Variants in OTUD7A observed in about 807,000 individuals in gnomAD.
OTUD7A encodes the protein OTU deubiquitinase 7A.
OTUD7A carries 12 observed loss-of-function variants against 65.7 expected under a neutral mutation model. That is an observed-to-expected ratio of 0.18 (90% confidence interval 0.12 to 0.30). The LOEUF is 0.30. Among genes scored for constraint, OTUD7A ranks in the 10% least tolerant of loss-of-function variants. OTUD7A has a pLI of 1.00. For synonymous variants in OTUD7A, 641 were observed against 586.3 expected (o/e 1.09, Z -1.35); for missense variants, 1,148 against 1,304.8 (o/e 0.88, Z 1.85).
chr15:31,587,193 A>C (rs1295967632), intron 3 of OTUD7A, among the ~76,000 whole-genome samples: 2 of 152,110 alleles, frequency 1.3e-5, no homozygotes, highest in African/African-American at 4.8e-5. Context: ...TTCTTGATCT[A>C]ATCATAATCA....
intron 10 of OTUD7A, among the ~76,000 whole-genome samples, chr15:31,496,612 A>G (rs1267251912): frequency 6.6e-6 from 1 of 152,244 alleles, no homozygotes; most frequent in African/African-American, 2.4e-5. Context: ...TCTATTTAAA[A>G]AGAGATTGGA....
intron 8 of OTUD7A, among the ~76,000 whole-genome samples, chr15:31,515,127 G>A (rs1457486611): frequency 6.6e-6 from 1 of 152,196 alleles, no homozygotes; most frequent in Non-Finnish European, 1.5e-5. Context: ...CATACTTGGA[G>A]AGAGAAATAC....
intron 3 of OTUD7A, among the ~76,000 whole-genome samples, chr15:31,614,285 C>A (rs190479587): frequency 6.7e-6 from 1 of 149,154 alleles, no homozygotes; most frequent in Non-Finnish European, 1.5e-5. Flanking sequence ...ACCTGCACCC[C>A]AATAACCTAT....
intron 8 of OTUD7A, among the ~76,000 whole-genome samples, chr15:31,507,532 GGACCCAAAGA>G (rs750421384): frequency 4.5e-4 from 68 of 152,230 alleles, no homozygotes; most frequent in Non-Finnish European, 7.9e-4. Flanking sequence ...AGTGTGGCAC[GGACCCAAAGA>G]GTGAGCAGCA....
intron 1 of OTUD7A, among the ~76,000 whole-genome samples, chr15:31,710,558 G>C (rs1893416226): frequency 6.6e-6 from 1 of 152,174 alleles, no homozygotes; most frequent in South Asian, 2.1e-4. Flanking sequence ...GGGGGCACCA[G>C]AGGGAGACCT....
At position 31,530,873 on chromosome 15, in the gene OTUD7A, T is replaced by C. The variant is rs2042076715; in HGVS notation, c.551-65A>G. 1.2e-5 allele frequency: 16 copies of C among 1,328,702 alleles called. No homozygotes were observed. In the Admixed American group the frequency reaches 2.9e-4, roughly 24 times the overall value. 82.3% of individuals were successfully genotyped at this position (1,328,702 alleles called of 1,614,324 possible). ...GGAAGGGGCCACTGGGGGTGTTTGC[T>C]AAGGAGGCATAAACATCAGGGACAG... On this transcript the variant is annotated intron_variant, in intron 5 of 12. Coordinates refer to ENST00000307050, the MANE Select transcript of OTUD7A (RefSeq NM_001382637.1).
chr15:31,670,782 G>C (rs1241390268), intron 1 of OTUD7A, among the ~76,000 whole-genome samples: 1 of 152,134 alleles, frequency 6.6e-6, no homozygotes, highest in Non-Finnish European at 1.5e-5. Flanking sequence ...ACGAGGTCAG[G>C]AGATCAAGAC....
intron 1 of OTUD7A, among the ~76,000 whole-genome samples, chr15:31,751,911 G>T (rs561306804): frequency 6.6e-6 from 1 of 151,992 alleles, no homozygotes; most frequent in Admixed American, 6.6e-5. Context: ...AAGGAGAGAG[G>T]GGGGCAAGGG....
chr15:31,766,969 C>T (rs1203152823), intron 1 of OTUD7A: 7 of 1,611,698 alleles, frequency 4.3e-6, no homozygotes, highest in Non-Finnish European at 5.1e-6. Flanking sequence ...ACTACTTAAC[C>T]CTATTAAATT....
chr15:31,543,184 C>T (rs1888034851), intron 5 of OTUD7A, among the ~76,000 whole-genome samples: 1 of 151,906 alleles, frequency 6.6e-6, no homozygotes, highest in Non-Finnish European at 1.5e-5. Flanking sequence ...AACTAAACTA[C>T]TCCAAAGTCC....
At chr15:31,485,711 C>G (rs1252008883) in intron 12 of OTUD7A, among the ~76,000 whole-genome samples, 1 of 152,226 alleles carries the variant, frequency 6.6e-6, no homozygotes, top group African/African-American at 2.4e-5. Flanking sequence ...CCGCTGGGTG[C>G]TGCAGGAACT....
At chr15:31,731,221 T>C (rs1230271102) in intron 1 of OTUD7A, among the ~76,000 whole-genome samples, 1 of 152,168 alleles carries the variant, frequency 6.6e-6, no homozygotes, top group Non-Finnish European at 1.5e-5. Context: ...CATTCAGGAA[T>C]TGGGAGTATT....
At chr15:31,687,312 TC>T (rs1254596727) in intron 1 of OTUD7A, among the ~76,000 whole-genome samples, 1 of 152,014 alleles carries the variant, frequency 6.6e-6, no homozygotes, top group Non-Finnish European at 1.5e-5. Flanking sequence ...GTGGTTTCAT[TC>T]CCTATGCAAC....
intron 1 of OTUD7A, among the ~76,000 whole-genome samples, chr15:31,812,095 G>A (rs560270136): frequency 6.6e-6 from 1 of 152,200 alleles, no homozygotes; most frequent in Non-Finnish European, 1.5e-5. Flanking sequence ...GGTTGAGGGA[G>A]CATTAACAAA....
chr15:31,713,614 G>A (rs1181221224), intron 1 of OTUD7A, among the ~76,000 whole-genome samples: 14 of 151,342 alleles, frequency 9.3e-5, no homozygotes, highest in Non-Finnish European at 1.9e-4. Context: ...GAGAGACTCT[G>A]TCTCAATAAC....
chr15:31,736,876 T>C (rs887250836), intron 1 of OTUD7A, among the ~76,000 whole-genome samples: 27 of 152,176 alleles, frequency 1.8e-4, no homozygotes, highest in African/African-American at 6.0e-4. Context: ...GGCTGGAGTA[T>C]AGTGGCACAA....
At chr15:31,858,170 C>T (rs559768301) in intron 1 of OTUD7A, among the ~76,000 whole-genome samples, 19 of 152,236 alleles carry the variant, frequency 1.2e-4, no homozygotes, top group Admixed American at 3.9e-4. Flanking sequence ...CCGAGCAGCC[C>T]GCTGAGGACC....
At chr15:31,569,826 G>T (rs1179163180) in intron 4 of OTUD7A, among the ~76,000 whole-genome samples, 192 bp downstream of exon 4, 1 of 151,904 alleles carries the variant, frequency 6.6e-6, no homozygotes, top group African/African-American at 2.4e-5. Flanking sequence ...CTTTTCTGAG[G>T]TAGAGGTTGG....
intron 1 of OTUD7A, among the ~76,000 whole-genome samples, chr15:31,828,463 A>T (rs2140980582): frequency 6.6e-6 from 1 of 152,340 alleles, no homozygotes; most frequent in South Asian, 2.1e-4. Flanking sequence ...TGGTGGGAAC[A>T]CACAAGATCC....
Sources: allele counts gnomAD v4.1 joint callset (sites outside exome capture counted in the v4.1 genomes callset), GRCh38; gene constraint gnomAD v4.1.1; transcripts MANE v1.5; gene names NCBI Gene and HGNC (gene_info 2026-07-23, HGNC 2026-07-21).